NPC1: variants seen among roughly 807,000 people sequenced by gnomAD.
The protein encoded by NPC1 is NPC intracellular cholesterol transporter 1.
Under a neutral mutation model 140.4 loss-of-function variants are expected in NPC1, and 85 were observed. That is an observed-to-expected ratio of 0.61 (90% CI 0.51 to 0.72). The LOEUF (loss-of-function observed/expected upper bound fraction) is 0.72, where lower values mean the gene tolerates loss of function less well. Ranked by LOEUF, NPC1 falls within the 30% of genes least tolerant of loss-of-function variation. The pLI, the probability that NPC1 is intolerant of heterozygous loss-of-function variation, is 0.00. For synonymous variants in NPC1, 656 were observed against 624.8 expected (o/e 1.05, Z -0.74); for missense variants, 1,504 against 1,623.8 (o/e 0.93, Z 1.27).
At chr18:23,521,590 A>G (rs540035223), downstream of NPC1, among the ~76,000 whole-genome samples, 13 of 152,332 alleles carry the variant, frequency 8.5e-5, no homozygotes, top group East Asian at 7.7e-4. Context: ...GAGGTCAGGA[A>G]TTCAGGAAAA....
chr18:23,567,975 T>C (rs1352723957), intron 4 of NPC1, among the ~76,000 whole-genome samples: 1 of 152,234 alleles, frequency 6.6e-6, no homozygotes, highest in East Asian at 1.9e-4. Flanking sequence ...ATTTTTCTTA[T>C]GGTTTCTGCT....
chr18:23,539,383 A>G lies in NPC1; in HGVS notation c.2883T>C (p.Asn961=). 1 of 1,613,884 alleles carries G rather than the reference A, an allele frequency of 6.2e-7. No homozygotes were observed. Among genetic ancestry groups the G allele is most frequent in the East Asian group, 2.2e-5 (1 of 44,886 alleles). The change falls in exon 19 of 25, where the codon AAT becomes AAC. Residue 961 remains asparagine, a synonymous_variant. Transcript: ENST00000269228. ...KPQSSCCRVD[N]ITDQFCNASV... is the part of the protein sequence containing the mutation. ...AAGCATTGCAGAACTGGTCAGTGATATTGTCCACTCGACAGCAAGACGACT... is the reference window on the plus strand; with the variant it reads ...AAGCATTGCAGAACTGGTCAGTGATGTTGTCCACTCGACAGCAAGACGACT...
intron 1 of NPC1, chr18:23,524,227 CAG>C (rs1264390151): frequency 1.3e-5 from 20 of 1,600,002 alleles, no homozygotes; most frequent in South Asian, 2.2e-5. Flanking sequence ...TGGTCACCCT[CAG>C]AGAGTGGTCC....
chr18:23,524,507 T>A, downstream of NPC1: 1 of 1,611,404 alleles, frequency 6.2e-7, no homozygotes, highest in Non-Finnish European at 8.5e-7. Context: ...ACAGTTGTCG[T>A]GTTACAACAT....
intron 10 of NPC1, among the ~76,000 whole-genome samples, chr18:23,550,479 C>CTTCTTTTTTTT (rs746388624): frequency 2.7e-5 from 2 of 74,922 alleles, no homozygotes; most frequent in African/African-American, 1.3e-4. Flanking sequence ...TCTTACATTT[C>CTTCTTTTTTTT]TTTTTTTTTT....
intron 3 of NPC1, among the ~76,000 whole-genome samples, chr18:23,514,746 T>G (rs927910905): frequency 1.3e-5 from 2 of 152,144 alleles, no homozygotes; most frequent in African/African-American, 4.8e-5. Context: ...AAAGTATACC[T>G]TAAGGTTACC....
intron 9 of NPC1, 73 bp from the exon 10 acceptor site, chr18:23,551,800 G>C: frequency 3.0e-6 from 3 of 1,003,466 alleles, no homozygotes; most frequent in Non-Finnish European, 4.8e-6. Context: ...CATTTACACA[G>C]TGAACATTTG....
chr18:23,539,829 G>A lies in NPC1; in HGVS notation c.2777C>T (p.Ala926Val), dbSNP rs730880963. The A allele has an allele frequency of 5.6e-6, 9 of 1,614,042 alleles. No individual in the cohort carries two copies. The highest frequency in any genetic ancestry group is 2.7e-5 in the African/African-American group (2 of 74,922). ...TACTGACTAGTTGTCCAGCTGCGCC[G>A]CGTTAAATATCTGCTGCACCAGGGA... The part of the protein sequence containing the change: ...NDSLVQQIFN[A>V]AQLDNYTRIG... The change falls in exon 18 of 25, where the codon GCG (alanine) becomes GTG (valine). Residue 926 changes from alanine (A) to valine (V), a missense_variant. Physicochemically the swap from Ala to Val is moderately conservative, Grantham distance 64. Transcript: ENST00000269228.
At chr18:23,569,095 A>T (rs2059166836) in intron 3 of NPC1, 97 bp from the exon 4 acceptor site, 1 of 848,138 alleles carries the variant, frequency 1.2e-6, no homozygotes, top group African/African-American at 1.7e-5. Flanking sequence ...AACTTACTGT[A>T]AAGTGACAAA....
At chr18:23,507,664 A>T (rs556919405) in intron 3 of NPC1, among the ~76,000 whole-genome samples, 2 of 152,308 alleles carry the variant, frequency 1.3e-5, no homozygotes, top group East Asian at 1.9e-4. Flanking sequence ...TTTAAGTGTT[A>T]AAGTCTTGGG....
chr18:23,532,993 C>T, intron 24 of NPC1: 1 of 960,656 alleles, frequency 1.0e-6, no homozygotes, highest in Non-Finnish European at 1.2e-6. Context: ...AAAAGCTGTT[C>T]TGCAGCACTG....
At chr18:23,509,327 A>G (rs780077588) in intron 3 of NPC1, 1 of 893,354 alleles carries the variant, frequency 1.1e-6, no homozygotes, top group African/African-American at 1.7e-5. Context: ...CAGTGATAGC[A>G]TTCTGGCAGC....
At chr18:23,550,780 C>T (rs2145429740) in intron 10 of NPC1, among the ~76,000 whole-genome samples, 1 of 152,264 alleles carries the variant, frequency 6.6e-6, no homozygotes, top group African/African-American at 2.4e-5. Flanking sequence ...GCCACCACGC[C>T]TGGCCCAGTT....
chr18:23,530,470 C>T, downstream of NPC1: 8 of 1,614,270 alleles, frequency 5.0e-6, no homozygotes, highest in Non-Finnish European at 6.8e-6. Flanking sequence ...TTATCCGGGG[C>T]ATTGGTGGCC....
Position 23,550,082 on chromosome 18 carries a change from G to A in NPC1, c.1654+1545C>T, listed in dbSNP as rs1019608875. Among the ~76,000 whole-genome samples, 14 of 150,286 alleles carry A rather than the reference G, an allele frequency of 9.3e-5. No homozygotes were observed. In the East Asian group the frequency reaches 1.8e-3, roughly 19 times the overall value. On this transcript the variant is annotated intron_variant, in intron 10 of 24. Transcript: ENST00000269228. ...CCAGGCTGGAATGTGGTGCAATCTC[G>A]CTTACTGCAGCCTCAACCTCCTGGG...
In NPC1 at chr18:23,531,623, AG is replaced by A. The variant is rs1244178018; in HGVS notation, c.*578del. ...CTGGCAATTAAATCTCTTCCTTTCT[AG>A]GGGAACACTGTGAAGAACATGTTGC... On this transcript the variant is annotated 3_prime_UTR_variant, in exon 25 of 25. Transcript: ENST00000269228. 2 of 1,611,886 alleles carry A rather than the reference AG, an allele frequency of 1.2e-6. No individual in the cohort carries two copies. Among genetic ancestry groups the A allele is most frequent in the Admixed American group, 1.7e-5 (1 of 59,560 alleles).
chr18:23,585,842 T>C (rs940203628), intron 1 of NPC1, among the ~76,000 whole-genome samples: 2 of 152,210 alleles, frequency 1.3e-5, no homozygotes, highest in African/African-American at 4.8e-5. Flanking sequence ...ACCGGGTGCT[T>C]GAGGAAGTTT....
intron 3 of NPC1, among the ~76,000 whole-genome samples, chr18:23,570,368 T>TTATTTA (rs1555641416): frequency 2.0e-5 from 3 of 152,230 alleles, no homozygotes; most frequent in Non-Finnish European, 4.4e-5. Context: ...TCACCTACGG[T>TTATTTA]GGATCCTAAA....
Position 23,557,201 on chromosome 18 carries a change from G to A in NPC1, c.882-11C>T, listed in dbSNP as rs760318229. 6.2e-7 allele frequency: 1 copy of A among 1,605,338 alleles called. No individual in the cohort carries two copies. The highest frequency in any genetic ancestry group is 8.5e-7 in the Non-Finnish European group (1 of 1,173,502). The stretch of plus-strand genomic sequence containing the variant: ...ACAAAATACCGTTTTCTGAAAAACA[G>A]AAGTGAAGAAATAGCATTAGTGGAC... On this transcript the variant is annotated splice_polypyrimidine_tract_variant and intron_variant, in intron 6 of 24. Coordinates refer to ENST00000269228, the MANE Select transcript of NPC1 (RefSeq NM_000271.5).
Sources: allele counts gnomAD v4.1 joint callset (sites outside exome capture counted in the v4.1 genomes callset), GRCh38; gene constraint gnomAD v4.1.1; transcripts MANE v1.5; gene names NCBI Gene and HGNC (gene_info 2026-07-23, HGNC 2026-07-21).